The following PLCB1 variants were observed in gnomAD, a reference collection of about 807,000 sequenced individuals.
PLCB1 encodes the protein 1-phosphatidylinositol 4,5-bisphosphate phosphodiesterase beta-1.
In PLCB1, 46 loss-of-function variants were observed where a neutral mutation model predicts 161.8. The observed-to-expected ratio is 0.28, with a 90% confidence interval of 0.22 to 0.36. PLCB1 has a LOEUF of 0.36. Among genes scored for constraint, PLCB1 ranks in the 10% least tolerant of loss-of-function variants. The pLI, the probability that PLCB1 is intolerant of heterozygous loss-of-function variation, is 1.00. For synonymous variants in PLCB1, 517 were observed against 503.7 expected, an observed-to-expected ratio of 1.03 and a Z score of -0.35; for missense variants, 1,016 against 1,472.5, an observed-to-expected ratio of 0.69 and a Z score of 5.07.
At chr20:8,760,917 T>A (rs1981988002) in intron 25 of PLCB1, among the ~76,000 whole-genome samples, 1 of 152,246 alleles carries the variant, frequency 6.6e-6, no homozygotes, top group Non-Finnish European at 1.5e-5. Flanking sequence ...CTAAAATTGG[T>A]ACAAGCTTTG....
chr20:8,463,062 AT>A (rs1295960231), intron 3 of PLCB1, among the ~76,000 whole-genome samples: 3 of 151,090 alleles, frequency 2.0e-5, no homozygotes, highest in African/African-American at 7.3e-5. Context: ...TATGTTGATT[AT>A]TTTTTTCAGA....
At position 8,671,069 on chromosome 20, in the gene PLCB1, C is replaced by A. The variant is rs73078021; in HGVS notation, c.862+12365C>A. Among the ~76,000 whole-genome samples the A allele has an allele frequency of 8.7e-3, 1,327 of 152,302 alleles. 15 individuals are homozygous for A. Among genetic ancestry groups the A allele is most frequent in the South Asian group, 0.016 (79 of 4,822 alleles). On this transcript the variant is annotated intron_variant, in intron 9 of 31. Transcript: ENST00000338037. ...CCACCTAATCCCAGTGACATCCAAA[C>A]ATCTGAGTGCCAGATCCTGCCTAAT... is the stretch of plus-strand genomic sequence containing the variant.
chr20:8,864,832 A>G (rs561694794), intron 31 of PLCB1, among the ~76,000 whole-genome samples: 1 of 152,292 alleles, frequency 6.6e-6, no homozygotes, highest in South Asian at 2.1e-4. Context: ...AAGGATGCCT[A>G]TGATGCATCA....
chr20:8,379,002 G>A (rs970415054), intron 3 of PLCB1, among the ~76,000 whole-genome samples: 10 of 151,420 alleles, frequency 6.6e-5, no homozygotes, highest in South Asian at 2.1e-4. Context: ...TTAATTTCTC[G>A]GATACATGTG....
At chr20:8,345,127 CT>C (rs1396840054) in intron 2 of PLCB1, among the ~76,000 whole-genome samples, 1 of 152,204 alleles carries the variant, frequency 6.6e-6, no homozygotes, top group East Asian at 1.9e-4. Flanking sequence ...GTTGGCTCTT[CT>C]TTCACTCTTC....
At chr20:8,731,231 C>T (rs1227308351) in intron 18 of PLCB1, among the ~76,000 whole-genome samples, 4 of 151,802 alleles carry the variant, frequency 2.6e-5, no homozygotes, top group African/African-American at 4.8e-5. Flanking sequence ...GCTGTACAAA[C>T]GTTTGCAGTA....
In PLCB1 at chr20:8,543,008, G is replaced by C. The variant is rs555515968; in HGVS notation, c.247-85286G>C. On this transcript the variant is annotated intron_variant, in intron 3 of 31. Transcript: ENST00000338037. Reference sequence around the variant, plus strand: ...GGAGAATACAGTGGTAAACAGAACAGATCAAACCTCTGCCCTTATGTTGGT... The same window carrying C: ...GGAGAATACAGTGGTAAACAGAACACATCAAACCTCTGCCCTTATGTTGGT... 2.0e-5 allele frequency among the ~76,000 whole-genome samples: 3 copies of C among 152,302 alleles called. No homozygotes were observed. The East Asian group carries it at 5.8e-4, about 29-fold the overall frequency.
intron 3 of PLCB1, among the ~76,000 whole-genome samples, chr20:8,491,557 C>T (rs1156673535): frequency 2.0e-5 from 3 of 152,102 alleles, no homozygotes; most frequent in South Asian, 2.1e-4. Context: ...GTAGTGCTGA[C>T]CATTGTTACC....
chr20:8,683,825 A>G (rs764491644), intron 9 of PLCB1, among the ~76,000 whole-genome samples: 1 of 152,168 alleles, frequency 6.6e-6, no homozygotes, highest in Non-Finnish European at 1.5e-5. Context: ...TATTTTCAGG[A>G]AAGACTCATT....
chr20:8,137,413 T>G (rs2051360549), intron 1 of PLCB1, among the ~76,000 whole-genome samples: 1 of 152,188 alleles, frequency 6.6e-6, no homozygotes, highest in Non-Finnish European at 1.5e-5. Flanking sequence ...AACTACAAAG[T>G]GCAAGGTGGA....
At chr20:8,559,862 T>A (rs950139087) in intron 3 of PLCB1, among the ~76,000 whole-genome samples, 3 of 152,020 alleles carry the variant, frequency 2.0e-5, no homozygotes, top group Non-Finnish European at 2.9e-5. Context: ...TTTACCTCTC[T>A]GAGTTTCATT....
chr20:8,863,816 G>C (rs979769853), intron 31 of PLCB1, among the ~76,000 whole-genome samples: 1 of 152,012 alleles, frequency 6.6e-6, no homozygotes, highest in East Asian at 1.9e-4. Context: ...ACCACACAAA[G>C]TTGGAATCTT....
chr20:8,324,510 TAAATG>T, intron 2 of PLCB1, among the ~76,000 whole-genome samples: 1 of 152,314 alleles, frequency 6.6e-6, no homozygotes, highest in South Asian at 2.1e-4. Flanking sequence ...AAATGTTTGT[TAAATG>T]AATGAGATCT....
At chr20:8,211,184 A>T (rs187007663) in intron 2 of PLCB1, among the ~76,000 whole-genome samples, 5 of 152,152 alleles carry the variant, frequency 3.3e-5, no homozygotes, top group African/African-American at 1.2e-4. Flanking sequence ...ACTTCCTGAG[A>T]TTATGCCCCT....
At chr20:8,666,165 G>C (rs185157132) in intron 9 of PLCB1, among the ~76,000 whole-genome samples, 2 of 152,108 alleles carry the variant, frequency 1.3e-5, no homozygotes, top group South Asian at 2.1e-4. Context: ...TCCTCGGTGA[G>C]ACTGAGCCCT....
intron 3 of PLCB1, among the ~76,000 whole-genome samples, chr20:8,559,076 C>G (rs907796737): frequency 6.6e-6 from 1 of 151,578 alleles, no homozygotes; most frequent in Admixed American, 6.6e-5. Context: ...GGCTTGTAAC[C>G]CCTCTTTTTT....
At chr20:8,675,107 C>T (rs1297180130) in intron 9 of PLCB1, among the ~76,000 whole-genome samples, 2 of 152,092 alleles carry the variant, frequency 1.3e-5, no homozygotes, top group Non-Finnish European at 2.9e-5. Flanking sequence ...AATCAAGTAT[C>T]AACATATCTG....
intron 3 of PLCB1, among the ~76,000 whole-genome samples, chr20:8,605,616 T>C (rs545131884): frequency 2.0e-5 from 3 of 151,202 alleles, no homozygotes; most frequent in South Asian, 2.1e-4. Context: ...TTTTCTTTTT[T>C]TTTTTTTTTT....
intron 3 of PLCB1, among the ~76,000 whole-genome samples, chr20:8,548,036 C>T (rs1253498367): frequency 6.6e-6 from 1 of 152,082 alleles, no homozygotes; most frequent in Non-Finnish European, 1.5e-5. Flanking sequence ...CCTCACCACC[C>T]ACACACTCCT....
Sources: gnomAD v4.1 joint callset for allele counts (sites outside exome capture counted in the v4.1 genomes callset) on GRCh38, gnomAD v4.1.1 for gene constraint, MANE v1.5 for transcripts, NCBI Gene and HGNC (gene_info 2026-07-23, HGNC 2026-07-21) for gene names.